ATP13A3: variants seen among roughly 807,000 people sequenced by gnomAD.
ATP13A3 encodes the protein ATPase 13A3, also known as polyamine-transporting ATPase 13A3.
A neutral mutation model predicts 158.1 loss-of-function variants in ATP13A3; 59 were observed. The ratio of observed to expected loss-of-function variants is 0.37; its 90% confidence interval spans 0.30 to 0.46. The LOEUF is 0.46. Ranked by LOEUF, ATP13A3 falls within the 20% of genes least tolerant of loss-of-function variation. The pLI is 1.00. For synonymous variants in ATP13A3, 491 were observed against 504.3 expected (o/e 0.97, Z 0.35); for missense variants, 1,166 against 1,525.2 (o/e 0.76, Z 3.92).
intron 33 of ATP13A3, among the ~76,000 whole-genome samples, chr3:194,411,820 A>G (rs1260110671): frequency 6.6e-6 from 1 of 152,234 alleles, no homozygotes; most frequent in Non-Finnish European, 1.5e-5. Context: ...TTGTTTATAT[A>G]AATCTCATTT....
intron 2 of ATP13A3, among the ~76,000 whole-genome samples, chr3:194,479,275 A>C (rs1265311150): frequency 6.6e-6 from 1 of 152,226 alleles, no homozygotes; most frequent in Non-Finnish European, 1.5e-5. Flanking sequence ...AGACCCATTA[A>C]ATATTTCAAT....
In ATP13A3 at chr3:194,450,503, T is replaced by TTTC; in HGVS notation, c.839-228_839-227insGAA. The TTTC allele has an allele frequency of 6.3e-6, 3 of 476,194 alleles. No homozygotes were observed. In the East Asian group the frequency reaches 1.2e-4, roughly 19 times the overall value. The allele number at this position is 476,194 out of a possible 1,614,324, so 29.5% of individuals were successfully genotyped here. On this transcript the variant is annotated intron_variant, in intron 10 of 33. Transcript: ENST00000645319. ...TAGGACACCAGCTGTGCACCGGTGATGCCAAGTACCCTCTGACGAAGCAGG... is the reference window on the plus strand; with the variant it reads ...TAGGACACCAGCTGTGCACCGGTGATTTCGCCAAGTACCCTCTGACGAAGCAGG...
At chr3:194,446,461 C>A (rs1718414713) in intron 14 of ATP13A3, among the ~76,000 whole-genome samples, 1 of 152,200 alleles carries the variant, frequency 6.6e-6, no homozygotes, top group East Asian at 1.9e-4. Context: ...CTGCCTCGTT[C>A]CGCCAGTTGC....
At chr3:194,427,361 A>T in intron 28 of ATP13A3, 109 bp from the exon 29 acceptor site, 2 of 948,962 alleles carry the variant, frequency 2.1e-6, no homozygotes, top group Non-Finnish European at 3.0e-6. Context: ...TTGCCTAACA[A>T]TTCTTTAATA....
chr3:194,479,860 T>A lies in ATP13A3; in HGVS notation c.-47+5934A>T, dbSNP rs150852654. Among the ~76,000 whole-genome samples, 10 of 152,216 alleles carry A rather than the reference T, an allele frequency of 6.6e-5. No individual in the cohort carries two copies. The East Asian group carries it at 1.7e-3, about 26-fold the overall frequency. ...TAACAAGATGGGAGAGAAAACAGACTGCAAACACACCAGAGACACAAAGAG... is the reference window on the plus strand; with the variant it reads ...TAACAAGATGGGAGAGAAAACAGACAGCAAACACACCAGAGACACAAAGAG... On this transcript the variant is annotated intron_variant, in intron 2 of 33. Coordinates refer to ENST00000645319, the MANE Select transcript of ATP13A3 (RefSeq NM_001367549.1).
rs1316160129 is a variant in ATP13A3 at position 194,403,211 on chromosome 3, G to GT, written c.*2707_*2708insA. ...TGTGCAGGACTTTCATAAACATGGG[G>GT]AACAAAATAAATAGAGTAAAAACTG... On this transcript the variant is annotated 3_prime_UTR_variant, in exon 34 of 34. Coordinates refer to ENST00000645319, the MANE Select transcript of ATP13A3 (RefSeq NM_001367549.1). 1 of 152,164 alleles carries GT rather than the reference G, an allele frequency of 6.6e-6. No homozygotes were observed. Among genetic ancestry groups the GT allele is most frequent in the African/African-American group, 2.4e-5 (1 of 41,434 alleles). The allele number at this position is 152,164 out of a possible 1,614,324, so 9.4% of individuals were successfully genotyped here.
At chr3:194,454,715 G>C (rs1383526358) in intron 8 of ATP13A3, among the ~76,000 whole-genome samples, 1 of 151,922 alleles carries the variant, frequency 6.6e-6, no homozygotes, top group African/African-American at 2.4e-5. Context: ...TGTAGTCCCA[G>C]CTACTCAGGA....
chr3:194,450,121 T>C (rs760024163), intron 11 of ATP13A3, 24 bp downstream of exon 11: 6 of 1,610,352 alleles, frequency 3.7e-6, no homozygotes, highest in South Asian at 1.1e-5. Context: ...ACAACTCATG[T>C]TGATATTTAC....
intron 2 of ATP13A3, among the ~76,000 whole-genome samples, chr3:194,485,363 C>G (rs552286777): frequency 3.3e-5 from 5 of 152,272 alleles, no homozygotes; most frequent in South Asian, 4.1e-4. Context: ...TTAAGCAAAG[C>G]AACAAACCTC....
intron 21 of ATP13A3, among the ~76,000 whole-genome samples, chr3:194,432,523 G>T (rs1286531698): frequency 1.3e-5 from 2 of 152,116 alleles, no homozygotes; most frequent in African/African-American, 4.8e-5. Context: ...CTATTTCCAA[G>T]AATATCTTCC....
intron 10 of ATP13A3, chr3:194,452,585 T>G (rs944852737): frequency 6.6e-6 from 1 of 152,244 alleles, no homozygotes; most frequent in Non-Finnish European, 1.5e-5. Context: ...CAGAGAGCTA[T>G]CCATCATTTA....
rs908409215 is a variant in ATP13A3 at position 194,413,853 on chromosome 3, A to G, written c.3403-14T>C. 1.9e-6 allele frequency: 3 copies of G among 1,606,204 alleles called. No homozygotes were observed. The highest frequency in any genetic ancestry group is 1.3e-5 in the African/African-American group (1 of 74,728). Reference sequence around the variant, plus strand: ...TACACACACTATCTGTAATGCAAAAACATTTTAAAGTTAAAATTGTTGTAT... The same window carrying G: ...TACACACACTATCTGTAATGCAAAAGCATTTTAAAGTTAAAATTGTTGTAT... On this transcript the variant is annotated splice_polypyrimidine_tract_variant and intron_variant, in intron 31 of 33. Transcript: ENST00000645319.
rs79396004 is a variant in ATP13A3, at chr3:194,449,380, C to T, written c.971-744G>A. 2.3e-3 allele frequency among the ~76,000 whole-genome samples: 356 copies of T among 151,972 alleles called. 2 individuals carry two copies. The highest frequency in any genetic ancestry group is 8.1e-3 in the African/African-American group (334 of 41,432). On this transcript the variant is annotated intron_variant, in intron 11 of 33. Transcript: ENST00000645319. ...AGGACAATTAAAAAAAAAATTCACA[C>T]GATTAAAATAAGATATTGGACAGGC...
intron 31 of ATP13A3, among the ~76,000 whole-genome samples, chr3:194,418,769 T>C (rs2108759625): frequency 6.6e-6 from 1 of 152,336 alleles, no homozygotes; most frequent in Non-Finnish European, 1.5e-5. Flanking sequence ...GATACCAGAA[T>C]ACAGCAGAGG....
At chr3:194,434,713 TTGAGGCCAGCC>T (rs1717494297) in intron 20 of ATP13A3, among the ~76,000 whole-genome samples, 1 of 152,094 alleles carries the variant, frequency 6.6e-6, no homozygotes, top group African/African-American at 2.4e-5. Flanking sequence ...ACCTAGGAGT[TTGAGGCCAGCC>T]TGGGCAGCAT....
Position 194,460,855 on chromosome 3 carries a change from GATTA to G in ATP13A3, c.52-28_52-25del, listed in dbSNP as rs772564921. On this transcript the variant is annotated intron_variant, in intron 3 of 33. Coordinates refer to ENST00000645319, the MANE Select transcript of ATP13A3 (RefSeq NM_001367549.1). ...TCCTGCATGGACACAGCGATCACAT[GATTA>G]ATTATCAAATGATAAAATGATATGG... The G allele has an allele frequency of 3.8e-6, 6 of 1,588,130 alleles. No homozygotes were observed. In the African/African-American group the frequency reaches 6.8e-5, roughly 18 times the overall value.
intron 6 of ATP13A3, among the ~76,000 whole-genome samples, chr3:194,458,876 T>A (rs1053949898): frequency 6.6e-6 from 1 of 152,206 alleles, no homozygotes; most frequent in African/African-American, 2.4e-5. Flanking sequence ...GTTCATAACA[T>A]GATTTTCTTT....
chr3:194,412,392 G>T (rs9855721), intron 32 of ATP13A3, 104 bp from the exon 33 acceptor site: 3 of 841,730 alleles, frequency 3.6e-6, no homozygotes, highest in Non-Finnish European at 5.6e-6. Context: ...TGATGAAAAG[G>T]ATATTTTGAT....
chr3:194,443,701 T>C lies in ATP13A3; in HGVS notation c.1559+1024A>G, dbSNP rs369065653. 5.3e-5 allele frequency among the ~76,000 whole-genome samples: 8 copies of C among 151,990 alleles called. No homozygotes were observed. In the East Asian group the frequency reaches 7.7e-4, roughly 15 times the overall value. ...CTCTCAAGCTATATACACCAAAATT[T>C]AGCAGACTTTTGACAGGGGGAGGGG... is the stretch of plus-strand genomic sequence containing the variant. On this transcript the variant is annotated intron_variant, in intron 15 of 33. Transcript: ENST00000645319.
Sources: allele counts gnomAD v4.1 joint callset (sites outside exome capture counted in the v4.1 genomes callset), GRCh38; gene constraint gnomAD v4.1.1; transcripts MANE v1.5; gene names NCBI Gene and HGNC (gene_info 2026-07-23, HGNC 2026-07-21).